TSHZ2: variants seen among roughly 807,000 people sequenced by gnomAD.
The protein encoded by TSHZ2 is teashirt homolog 2.
TSHZ2 carries 21 observed loss-of-function variants against 74.4 expected under a neutral mutation model. The observed-to-expected ratio is 0.28, with a 90% CI of 0.20 to 0.41. TSHZ2 has a LOEUF of 0.41. Ranked by LOEUF, TSHZ2 falls within the 10% of genes least tolerant of loss-of-function variation. The probability of loss-of-function intolerance (pLI) is 1.00; values close to 1 mark genes in which losing one functional copy is unlikely to be tolerated. For missense variants in TSHZ2, 1,244 were observed against 1,293.5 expected (o/e 0.96, Z 0.59); for synonymous variants, 540 against 515.3 (o/e 1.05, Z -0.65).
At chr20:52,988,139 T>C (rs1277400779) in intron 1 of TSHZ2, among the ~76,000 whole-genome samples, 4 of 152,192 alleles carry the variant, frequency 2.6e-5, no homozygotes. Flanking sequence ...ATGATGGTGC[T>C]AATGATGAAC....
intron 2 of TSHZ2, among the ~76,000 whole-genome samples, chr20:53,335,663 G>A (rs1253444762): frequency 6.6e-6 from 1 of 152,242 alleles, no homozygotes; most frequent in Admixed American, 6.5e-5. Flanking sequence ...GAGGCTTTGG[G>A]GAAGGGTGAG....
At chr20:53,263,435 G>A (rs1014337538) in intron 2 of TSHZ2, among the ~76,000 whole-genome samples, 1 of 152,220 alleles carries the variant, frequency 6.6e-6, no homozygotes, top group Admixed American at 6.5e-5. Flanking sequence ...GAGGACCCTA[G>A]CATGCCGGCA....
At chr20:53,232,466 G>A (rs1989848414) in intron 1 of TSHZ2, among the ~76,000 whole-genome samples, 1 of 152,196 alleles carries the variant, frequency 6.6e-6, no homozygotes. Flanking sequence ...TCACATTTCT[G>A]ATCGAGGCTG....
At chr20:53,416,221 A>G (rs1289548895) in intron 2 of TSHZ2, among the ~76,000 whole-genome samples, 5 of 152,242 alleles carry the variant, frequency 3.3e-5, no homozygotes, top group Non-Finnish European at 7.3e-5. Context: ...CACAGACCCC[A>G]GAGGGCGATT....
intron 2 of TSHZ2, among the ~76,000 whole-genome samples, chr20:53,291,679 C>G (rs1296029495): frequency 1.3e-5 from 2 of 152,148 alleles, no homozygotes. Context: ...GGTGGGACCA[C>G]TCTTGCACTG....
intron 1 of TSHZ2, among the ~76,000 whole-genome samples, chr20:53,050,130 T>TATAG (rs58169596): frequency 1.1e-5 from 1 of 88,346 alleles, no homozygotes. Context: ...TATATACACA[T>TATAG]ATATATATGT....
chr20:53,206,995 C>T lies in TSHZ2; in HGVS notation c.41-46504C>T, dbSNP rs563544997. The stretch of plus-strand genomic sequence containing the variant: ...TTCCACCTCCATCCATTTCAGTTTG[C>T]GGTGCCTTTCAGGTGATTTCTTATG... On this transcript the variant is annotated intron_variant, in intron 1 of 2. Transcript: ENST00000371497. 1.8e-3 allele frequency among the ~76,000 whole-genome samples: 268 copies of T among 152,302 alleles called. 1 individual carries two copies. The highest frequency in any genetic ancestry group is 6.1e-3 in the African/African-American group (254 of 41,564).
At chr20:53,275,136 T>G (rs1232584943) in intron 2 of TSHZ2, among the ~76,000 whole-genome samples, 1 of 152,144 alleles carries the variant, frequency 6.6e-6, no homozygotes, top group Non-Finnish European at 1.5e-5. Context: ...GGACTTGCAC[T>G]TTGACAAGTG....
intron 1 of TSHZ2, among the ~76,000 whole-genome samples, chr20:53,217,887 A>G (rs576498375): frequency 3.3e-5 from 5 of 152,318 alleles, no homozygotes; most frequent in African/African-American, 1.2e-4. Context: ...CAAAAAAACT[A>G]AGGTTGAAGG....
At chr20:53,274,775 A>G (rs1484706181) in intron 2 of TSHZ2, among the ~76,000 whole-genome samples, 2 of 152,136 alleles carry the variant, frequency 1.3e-5, no homozygotes, top group African/African-American at 4.8e-5. Flanking sequence ...TTTCCTCGCT[A>G]GCGCTCTTTC....
intron 1 of TSHZ2, among the ~76,000 whole-genome samples, chr20:53,111,029 C>A (rs1251712971): frequency 6.6e-6 from 1 of 152,126 alleles, no homozygotes; most frequent in Non-Finnish European, 1.5e-5. Context: ...TCAAAAAGTT[C>A]TCTGTGAAAA....
chr20:53,217,334 C>T (rs1989461044), intron 1 of TSHZ2, among the ~76,000 whole-genome samples: 1 of 152,180 alleles, frequency 6.6e-6, no homozygotes, highest in African/African-American at 2.4e-5. Flanking sequence ...CCTCACCCGA[C>T]AGCCCCCTGG....
chr20:52,979,332 G>T (rs748669904), intron 1 of TSHZ2, among the ~76,000 whole-genome samples: 1 of 152,094 alleles, frequency 6.6e-6, no homozygotes, highest in Non-Finnish European at 1.5e-5. Context: ...AGAGCCCAAC[G>T]GTTCACTGCT....
chr20:53,219,518 C>T (rs774711055), intron 1 of TSHZ2, among the ~76,000 whole-genome samples: 52 of 152,122 alleles, frequency 3.4e-4, no homozygotes, highest in Non-Finnish European at 5.3e-4. Context: ...ATTGATAAAG[C>T]TTTGGAGATG....
At chr20:53,109,360 G>A (rs534438559) in intron 1 of TSHZ2, among the ~76,000 whole-genome samples, 28 of 152,076 alleles carry the variant, frequency 1.8e-4, no homozygotes, top group Non-Finnish European at 3.4e-4. Flanking sequence ...CGGTCTCTCC[G>A]CCTGTCTCTA....
intron 1 of TSHZ2, among the ~76,000 whole-genome samples, chr20:53,068,260 G>A (rs930670656): frequency 6.6e-6 from 1 of 152,048 alleles, no homozygotes; most frequent in African/African-American, 2.4e-5. Context: ...GGTTTATTCA[G>A]GTAAATTCCA....
At chr20:53,346,677 C>G (rs1484060334) in intron 2 of TSHZ2, among the ~76,000 whole-genome samples, 1 of 152,116 alleles carries the variant, frequency 6.6e-6, no homozygotes, top group Non-Finnish European at 1.5e-5. Context: ...TTAGCTTTAA[C>G]CAGGAGAAAG....
intron 2 of TSHZ2, among the ~76,000 whole-genome samples, chr20:53,384,057 G>T (rs577326515): frequency 6.6e-6 from 1 of 152,216 alleles, no homozygotes; most frequent in South Asian, 2.1e-4. Flanking sequence ...TTCGAAACCC[G>T]AAGACATCAG....
chr20:53,220,180 C>A (rs1989521645), intron 1 of TSHZ2, among the ~76,000 whole-genome samples: 1 of 152,126 alleles, frequency 6.6e-6, no homozygotes, highest in Non-Finnish European at 1.5e-5. Flanking sequence ...AGCTAACTTG[C>A]CATGAAGGAA....
Sources: allele counts gnomAD v4.1 joint callset (sites outside exome capture counted in the v4.1 genomes callset), GRCh38; gene constraint gnomAD v4.1.1; transcripts MANE v1.5; gene names NCBI Gene and HGNC (gene_info 2026-07-23, HGNC 2026-07-21).